The following COPS7A variants were observed in gnomAD, a reference collection of about 807,000 sequenced individuals.
COPS7A encodes the protein COP9 signalosome complex subunit 7a.
A neutral mutation model predicts 35.2 loss-of-function variants in COPS7A; 20 were observed. That is an observed-to-expected ratio of 0.57 (90% CI 0.40 to 0.83). The LOEUF (loss-of-function observed/expected upper bound fraction) is 0.83. COPS7A is among the 40% of genes least tolerant of loss of function. COPS7A has a pLI of 0.00. For missense variants in COPS7A, 247 were observed against 347.5 expected, an observed-to-expected ratio of 0.71 and a Z score of 2.30; for synonymous variants, 139 against 141.4, an observed-to-expected ratio of 0.98 and a Z score of 0.12.
At chr12:6,726,665 A>G (rs940859495) in intron 2 of COPS7A, among the ~76,000 whole-genome samples, 4 of 151,014 alleles carry the variant, frequency 2.6e-5, no homozygotes, top group African/African-American at 9.7e-5. Flanking sequence ...AACTTAAAGT[A>G]TAATTTAAAA....
Position 6,731,350 on chromosome 12 carries a change from T to A in COPS7A, c.*311T>A. The stretch of plus-strand genomic sequence containing the variant: ...CATTACATGTCATTGAGTAGGTGGG[T>A]AGCCCTGATGGGGGTCGCTCTGTCT... On this transcript the variant is annotated 3_prime_UTR_variant, in exon 8 of 8. Transcript: ENST00000543155. The A allele has an allele frequency of 5.7e-6, 8 of 1,401,504 alleles. No individual in the cohort carries two copies. The highest frequency in any genetic ancestry group is 1.4e-5 in the African/African-American group (1 of 69,328). The allele number at this position is 1,401,504 out of a possible 1,614,324, so 86.8% of individuals were successfully genotyped here. A position where few individuals can be genotyped will look rare whatever the true frequency, so the allele number is the denominator to read the frequency against.
chr12:6,724,635 G>GT lies in COPS7A; in HGVS notation c.-21dup. 1 of 1,613,926 alleles carries GT rather than the reference G, an allele frequency of 6.2e-7. No homozygotes were observed. The highest frequency in any genetic ancestry group is 8.5e-7 in the Non-Finnish European group (1 of 1,179,924). On this transcript the variant is annotated 5_prime_UTR_variant, in exon 2 of 8. Transcript: ENST00000543155. The stretch of plus-strand genomic sequence containing the variant: ...GCAGCTCTGGACATCCTGAGCCCAA[G>GT]TCCCCCACACTCAGTGCAGTGATGA...
At chr12:6,728,830 A>G (rs1164442945) in intron 4 of COPS7A, among the ~76,000 whole-genome samples, 1 of 152,192 alleles carries the variant, frequency 6.6e-6, no homozygotes, top group African/African-American at 2.4e-5. Flanking sequence ...CTCCAAAGGA[A>G]TGCCCGTTGC....
chr12:6,730,538 A>G, intron 6 of COPS7A, 31 bp downstream of exon 6: 1 of 1,612,040 alleles, frequency 6.2e-7, no homozygotes, highest in Non-Finnish European at 8.5e-7. Flanking sequence ...GCAGACCCAA[A>G]CTCCTCCAGC....
chr12:6,729,471 T>A lies in COPS7A; in HGVS notation c.530+22T>A. 1 of 1,608,530 alleles carries A rather than the reference T, an allele frequency of 6.2e-7. No individual in the cohort carries two copies. Among genetic ancestry groups the A allele is most frequent in the Non-Finnish European group, 8.5e-7 (1 of 1,178,542 alleles). On this transcript the variant is annotated intron_variant, in intron 5 of 7. Transcript: ENST00000543155. The surrounding 1 kb of genome is among the most constrained non-coding windows in gnomAD (Gnocchi z 4.2). Reference sequence around the variant, plus strand: ...AATGGTGAGAACCGTATCCTGGCACTGTCCCCTTCTCACCCTGAGAAAGAG... The same window carrying A: ...AATGGTGAGAACCGTATCCTGGCACAGTCCCCTTCTCACCCTGAGAAAGAG...
intron 2 of COPS7A, chr12:6,725,857 A>C: frequency 2.2e-6 from 1 of 456,108 alleles, no homozygotes; most frequent in Non-Finnish European, 4.4e-6. Flanking sequence ...CCCTGCTTTC[A>C]TCTGCAGTGG....
At position 6,728,324 on chromosome 12, in the gene COPS7A, C is replaced by T. The variant is rs754479824; in HGVS notation, c.327+13C>T. 5 of 1,606,704 alleles carry T rather than the reference C, an allele frequency of 3.1e-6. No homozygotes were observed. The South Asian group carries it at 4.4e-5, about 14-fold the overall frequency. The stretch of plus-strand genomic sequence containing the variant: ...TGCTAAAGTAAAGGTGAGTGGCAGT[C>T]CCCCAGTCCTACGGTCTAGAGCATC... On this transcript the variant is annotated intron_variant, in intron 4 of 7. Transcript: ENST00000543155.
rs1941363707 is a variant in COPS7A at position 6,730,432 on chromosome 12, C to G, written c.561C>G (p.Gly187=). 2 of 1,614,132 alleles carry G rather than the reference C, an allele frequency of 1.2e-6. No individual in the cohort carries two copies. Among genetic ancestry groups the G allele is most frequent in the Non-Finnish European group, 1.7e-6 (2 of 1,180,010 alleles). Residue 187 remains glycine (G), a synonymous_variant, in exon 6 of 8, where the codon GGC becomes GGG. Transcript: ENST00000543155. ...WCVGCEVVLS[G]IEEQVSRANQ... ...TGGGCTGTGAGGTCGTGCTGTCAGGCATTGAGGAGCAGGTGAGCCGTGCCA... is the reference window on the plus strand; with the variant it reads ...TGGGCTGTGAGGTCGTGCTGTCAGGGATTGAGGAGCAGGTGAGCCGTGCCA...
intron 6 of COPS7A, 62 bp downstream of exon 6, chr12:6,730,569 A>G (rs1797010003): frequency 1.9e-6 from 3 of 1,611,710 alleles, no homozygotes; most frequent in African/African-American, 1.3e-5. Flanking sequence ...TGTCCTTTGC[A>G]GAGAGAATTT....
chr12:6,727,586 C>T, intron 2 of COPS7A: 1 of 469,142 alleles, frequency 2.1e-6, no homozygotes, highest in South Asian at 1.6e-5. Context: ...ATCAAACACT[C>T]TGAGGGCAGG....
At chr12:6,726,967 A>G (rs568440547) in intron 2 of COPS7A, among the ~76,000 whole-genome samples, 2 of 152,232 alleles carry the variant, frequency 1.3e-5, no homozygotes, top group Non-Finnish European at 2.9e-5. Flanking sequence ...GCTCTGTGGG[A>G]TACCTGAGAC....
chr12:6,729,216 A>G lies in COPS7A; in HGVS notation c.328-31A>G. 6.2e-7 allele frequency: 1 copy of G among 1,612,850 alleles called. No individual in the cohort carries two copies. The highest frequency in any genetic ancestry group is 8.5e-7 in the Non-Finnish European group (1 of 1,178,914). On this transcript the variant is annotated intron_variant, in intron 4 of 7. Transcript: ENST00000543155. This position sits in a 1 kb window ranked among gnomAD's most constrained non-coding sequence, Gnocchi z 4.2. ...AAGCCCTTCTCTACTACGGAGCGTC[A>G]CAAATCCTGGCCTGATCTCCGCGGC...
At position 6,731,485 on chromosome 12, in the gene COPS7A, C is replaced by A; in HGVS notation, c.*446C>A. The A allele has an allele frequency of 3.2e-6, 1 of 317,216 alleles. No individual in the cohort carries two copies. The highest frequency in any genetic ancestry group is 5.3e-6 in the Non-Finnish European group (1 of 187,758). 19.7% of individuals were successfully genotyped at this position (317,216 alleles called of 1,614,324 possible). Reference sequence around the variant, plus strand: ...GAGCAGCCTCTGAAGAGCCATAGGGCCCCCACCTTTACTCACACCCTGAGA... The same window carrying A: ...GAGCAGCCTCTGAAGAGCCATAGGGACCCCACCTTTACTCACACCCTGAGA... On this transcript the variant is annotated 3_prime_UTR_variant, in exon 8 of 8. Coordinates refer to ENST00000543155, the MANE Select transcript of COPS7A (RefSeq NM_001164094.2).
At chr12:6,728,661 A>G (rs1941316764) in intron 4 of COPS7A, among the ~76,000 whole-genome samples, 1 of 152,084 alleles carries the variant, frequency 6.6e-6, no homozygotes, top group African/African-American at 2.4e-5. Flanking sequence ...GATAAAACAT[A>G]TATATTCTAG....
intron 2 of COPS7A, among the ~76,000 whole-genome samples, chr12:6,726,120 C>G (rs966427682): frequency 6.6e-6 from 1 of 152,000 alleles, no homozygotes; most frequent in African/African-American, 2.4e-5. Flanking sequence ...GGAGACCATC[C>G]TGGCTAACAT....
At chr12:6,727,725 T>C (rs914191536) in intron 2 of COPS7A, 1 of 684,204 alleles carries the variant, frequency 1.5e-6, no homozygotes, top group Non-Finnish European at 2.7e-6. Context: ...GGGAGAATAG[T>C]GTAAACAAAA....
At chr12:6,728,416 TC>T (rs1941310240) in intron 4 of COPS7A, 105 bp downstream of exon 4, 1 of 801,710 alleles carries the variant, frequency 1.2e-6, no homozygotes, top group African/African-American at 1.7e-5. Context: ...CTTCCTGCCC[TC>T]CCCTCCTCCA....
At position 6,730,972 on chromosome 12, in the gene COPS7A, C is replaced by G. The variant is rs115573296; in HGVS notation, c.789-28C>G. The stretch of plus-strand genomic sequence containing the variant: ...GGGATTCCCTGCATTCTCTCTCTCT[C>G]TCTCTTTCTCTCTCTTCTCCTTGCC... On this transcript the variant is annotated intron_variant, in intron 7 of 7. Coordinates refer to ENST00000543155, the MANE Select transcript of COPS7A (RefSeq NM_001164094.2). The G allele has an allele frequency of 1.9e-6, 3 of 1,605,226 alleles. No homozygotes were observed. In the South Asian group the frequency reaches 3.3e-5, roughly 18 times the overall value.
Position 6,728,021 on chromosome 12 carries a change from C to T in COPS7A, c.238+20C>T, listed in dbSNP as rs759805752. On this transcript the variant is annotated intron_variant, in intron 3 of 7. Coordinates refer to ENST00000543155, the MANE Select transcript of COPS7A (RefSeq NM_001164094.2). ...ACTTAGGTAACCAGAGGGGTTGGTG[C>T]TCTGGAGTAATGGAGATGGGAGAAG... The T allele has an allele frequency of 1.2e-6, 2 of 1,612,544 alleles. No individual in the cohort carries two copies. Among genetic ancestry groups the T allele is most frequent in the African/African-American group, 1.3e-5 (1 of 74,880 alleles).
Sources: gnomAD v4.1 joint callset for allele counts (sites outside exome capture counted in the v4.1 genomes callset) on GRCh38, gnomAD v4.1.1 for gene constraint, Gnocchi (gnomAD v3.1) non-coding constraint, MANE v1.5 for transcripts, NCBI Gene and HGNC (gene_info 2026-07-23, HGNC 2026-07-21) for gene names.